The following RGS7 variants were observed in gnomAD, a reference collection of about 807,000 sequenced individuals.
RGS7 encodes regulator of G protein signaling 7.
In RGS7, 27 loss-of-function variants were observed where a neutral mutation model predicts 81.1. The ratio of observed to expected loss-of-function variants is 0.33; its 90% confidence interval spans 0.25 to 0.46. The LOEUF is 0.46. Ranked by LOEUF, RGS7 falls within the 20% of genes least tolerant of loss-of-function variation. The pLI is 1.00. For missense variants in RGS7, 396 were observed against 607.4 expected (o/e 0.65, Z 3.66); for synonymous variants, 208 against 207.7 (o/e 1.00, Z -0.01).
intron 6 of RGS7, among the ~76,000 whole-genome samples, chr1:240,900,714 G>C (rs565583735): frequency 9.5e-4 from 145 of 152,294 alleles, no homozygotes; most frequent in African/African-American, 3.4e-3. Flanking sequence ...ACTGGGATGT[G>C]CCTCCCAGTT....
chr1:241,251,070 C>A (rs1252958043), intron 2 of RGS7, among the ~76,000 whole-genome samples: 1 of 152,176 alleles, frequency 6.6e-6, no homozygotes, highest in South Asian at 2.1e-4. Context: ...TATTTTCAAA[C>A]CTTCTGTTTT....
rs573184749 is a variant in RGS7, at chr1:241,043,903, G to T, written c.175+54763C>A. 2.0e-5 allele frequency among the ~76,000 whole-genome samples: 3 copies of T among 151,696 alleles called. No homozygotes were observed. In the South Asian group the frequency reaches 6.2e-4, roughly 31 times the overall value. On this transcript the variant is annotated intron_variant, in intron 3 of 18. Transcript: ENST00000440928. ...ATCCACGGATATTGGTATCGACCAG[G>T]GTCCTAGAACCAATCCTGTGCAGAT... is the stretch of plus-strand genomic sequence containing the variant.
At chr1:240,892,432 A>C (rs1668422973) in intron 6 of RGS7, among the ~76,000 whole-genome samples, 1 of 152,162 alleles carries the variant, frequency 6.6e-6, no homozygotes, top group African/African-American at 2.4e-5. Flanking sequence ...CTCCCAAGCC[A>C]AAAGCCCCGT....
At chr1:241,098,805 T>G in intron 2 of RGS7, 43 bp from the exon 3 acceptor site, 1 of 1,453,746 alleles carries the variant, frequency 6.9e-7, no homozygotes, top group Non-Finnish European at 9.6e-7. Context: ...AAAGTTGAAC[T>G]TTTTTGAAAA....
intron 4 of RGS7, among the ~76,000 whole-genome samples, chr1:240,962,998 A>T (rs1681710765): frequency 6.6e-6 from 1 of 152,184 alleles, no homozygotes; most frequent in African/African-American, 2.4e-5. Context: ...TTCAGAAGAG[A>T]CATGATTAGA....
intron 2 of RGS7, among the ~76,000 whole-genome samples, chr1:241,333,604 A>C (rs964682847): frequency 6.6e-6 from 1 of 152,202 alleles, no homozygotes; most frequent in Non-Finnish European, 1.5e-5. Flanking sequence ...CACTATGTAA[A>C]ATCCAAAACA....
At chr1:240,876,996 T>G (rs1665537176) in intron 6 of RGS7, among the ~76,000 whole-genome samples, 1 of 152,038 alleles carries the variant, frequency 6.6e-6, no homozygotes, top group South Asian at 2.1e-4. Flanking sequence ...TGGCCATAAT[T>G]CTAGGACTTG....
chr1:240,892,681 G>A (rs545432054), intron 6 of RGS7, among the ~76,000 whole-genome samples: 1 of 152,224 alleles, frequency 6.6e-6, no homozygotes, highest in South Asian at 2.1e-4. Flanking sequence ...GCAGCTCACT[G>A]TTGAAACTGT....
chr1:241,313,470 C>T (rs914644775), intron 2 of RGS7, among the ~76,000 whole-genome samples: 2 of 152,180 alleles, frequency 1.3e-5, no homozygotes, highest in African/African-American at 4.8e-5. Flanking sequence ...GCTAAATCCA[C>T]TCTGCCTGTG....
At chr1:240,887,225 G>GTTTGTT (rs60215189) in intron 6 of RGS7, among the ~76,000 whole-genome samples, 1 of 135,186 alleles carries the variant, frequency 7.4e-6, no homozygotes, top group Non-Finnish European at 1.5e-5. Flanking sequence ...TGAGTATATA[G>GTTTGTT]GTTTTTTTTT....
At chr1:240,997,821 C>A (rs1166129811) in intron 3 of RGS7, among the ~76,000 whole-genome samples, 1 of 152,186 alleles carries the variant, frequency 6.6e-6, no homozygotes, top group Non-Finnish European at 1.5e-5. Context: ...AAGACTTTGT[C>A]TCAGGAAAAA....
At chr1:240,839,957 C>G (rs977300580) in intron 9 of RGS7, among the ~76,000 whole-genome samples, 3 of 152,138 alleles carry the variant, frequency 2.0e-5, no homozygotes, top group African/African-American at 7.2e-5. Context: ...ACACTTGATT[C>G]ATCAGCGCAT....
At chr1:241,223,071 A>T (rs2075109376) in intron 2 of RGS7, among the ~76,000 whole-genome samples, 1 of 152,150 alleles carries the variant, frequency 6.6e-6, no homozygotes, top group African/African-American at 2.4e-5. Flanking sequence ...TTATTGATGG[A>T]CATTTAAATA....
intron 3 of RGS7, among the ~76,000 whole-genome samples, chr1:240,997,137 T>C (rs994388240): frequency 2.0e-5 from 3 of 151,944 alleles, no homozygotes; most frequent in African/African-American, 7.2e-5. Context: ...TTATCATTAT[T>C]ATTATTATTG....
chr1:240,794,725 C>T (rs1348920218), intron 18 of RGS7, among the ~76,000 whole-genome samples: 1 of 152,162 alleles, frequency 6.6e-6, no homozygotes, highest in Non-Finnish European at 1.5e-5. Context: ...CTGCTCCTAC[C>T]CTGGCTCCAT....
intron 18 of RGS7, among the ~76,000 whole-genome samples, chr1:240,789,236 C>T (rs1685557645): frequency 6.6e-6 from 1 of 152,172 alleles, no homozygotes. Flanking sequence ...CCTGTCTTTA[C>T]TTTAATCTCT....
At chr1:241,044,628 C>T (rs141140656) in intron 3 of RGS7, among the ~76,000 whole-genome samples, 10 of 151,946 alleles carry the variant, frequency 6.6e-5, no homozygotes, top group Non-Finnish European at 8.8e-5. Flanking sequence ...GATAGAGTCT[C>T]GCTATATTGC....
chr1:241,269,186 G>A (rs1050705437), intron 2 of RGS7, among the ~76,000 whole-genome samples: 47 of 152,176 alleles, frequency 3.1e-4, no homozygotes, highest in African/African-American at 1.1e-3. Flanking sequence ...TGACAGACTC[G>A]TGGGTCTCTT....
intron 3 of RGS7, among the ~76,000 whole-genome samples, chr1:241,036,356 T>C (rs1282693939): frequency 1.3e-5 from 2 of 152,202 alleles, no homozygotes; most frequent in Non-Finnish European, 2.9e-5. Context: ...TTCTACAAAA[T>C]ATTATTGATT....
Sources: gnomAD v4.1 joint callset for allele counts (sites outside exome capture counted in the v4.1 genomes callset) on GRCh38, gnomAD v4.1.1 for gene constraint, MANE v1.5 for transcripts, NCBI Gene and HGNC (gene_info 2026-07-23, HGNC 2026-07-21) for gene names.